The following RYR3 variants were observed in gnomAD, a reference collection of about 807,000 sequenced individuals.
RYR3 encodes the protein brain ryanodine receptor-calcium release channel.
A neutral mutation model predicts 584.3 loss-of-function variants in RYR3; 207 were observed. The observed-to-expected ratio is 0.35, with a 90% CI of 0.32 to 0.40. RYR3 has a LOEUF of 0.40. Among genes scored for constraint, RYR3 ranks in the 10% least tolerant of loss-of-function variants. The pLI is 1.00. For missense variants in RYR3, 5,616 were observed against 6,089.2 expected (o/e 0.92, Z 2.59); for synonymous variants, 2,416 against 2,248.5 (o/e 1.07, Z -2.11).
intron 38 of RYR3, among the ~76,000 whole-genome samples, chr15:33,695,720 GTTTA>G (rs887871749): frequency 3.3e-5 from 5 of 151,684 alleles, no homozygotes; most frequent in Non-Finnish European, 5.9e-5. Flanking sequence ...TATATAGCCG[GTTTA>G]TTTGTCTTTT....
At chr15:33,503,384 C>T (rs1268245500) in intron 2 of RYR3, among the ~76,000 whole-genome samples, 1 of 152,182 alleles carries the variant, frequency 6.6e-6, no homozygotes, top group Admixed American at 6.5e-5. Context: ...ATATGAACCA[C>T]CAGCCTTCCC....
intron 9 of RYR3, among the ~76,000 whole-genome samples, chr15:33,549,068 CG>C (rs1157031694): frequency 1.4e-5 from 1 of 71,580 alleles, no homozygotes; most frequent in African/African-American, 3.4e-5. Flanking sequence ...CATATGCACA[CG>C]TTTTTTTTTT....
At chr15:33,696,561 T>C (rs2065879145) in intron 39 of RYR3, 70 bp downstream of exon 39, 3 of 1,441,878 alleles carry the variant, frequency 2.1e-6, no homozygotes, top group Admixed American at 1.8e-5. Context: ...TACCTTGATA[T>C]AGAGATATAG....
chr15:33,752,391 CCT>C (rs1284672610), intron 57 of RYR3, among the ~76,000 whole-genome samples: 2 of 152,122 alleles, frequency 1.3e-5, no homozygotes, highest in African/African-American at 4.8e-5. Flanking sequence ...TTGTTTGTGT[CCT>C]CTCTTATTTC....
chr15:33,632,704 T>C (rs778367400), intron 23 of RYR3, among the ~76,000 whole-genome samples: 2 of 152,236 alleles, frequency 1.3e-5, no homozygotes, highest in Admixed American at 6.5e-5. Flanking sequence ...ATGGTTTGTA[T>C]TGACCATCTG....
intron 43 of RYR3, among the ~76,000 whole-genome samples, chr15:33,713,617 C>T (rs768720080): frequency 5.3e-5 from 8 of 152,076 alleles, no homozygotes; most frequent in East Asian, 3.8e-4. Flanking sequence ...TTTAATTATA[C>T]GACAATCCAA....
chr15:33,831,663 A>G (rs1245689742), intron 86 of RYR3, among the ~76,000 whole-genome samples: 1 of 152,220 alleles, frequency 6.6e-6, no homozygotes, highest in Non-Finnish European at 1.5e-5. Context: ...GTCTTTCTCT[A>G]TTCATAGTAT....
intron 1 of RYR3, among the ~76,000 whole-genome samples, chr15:33,430,588 T>C (rs1273928684): frequency 6.6e-6 from 1 of 152,174 alleles, no homozygotes; most frequent in Non-Finnish European, 1.5e-5. Flanking sequence ...GTTTCCCCCT[T>C]ATCTGAGGTC....
intron 3 of RYR3, among the ~76,000 whole-genome samples, chr15:33,520,060 A>C (rs1307229428): frequency 2.0e-5 from 3 of 152,232 alleles, no homozygotes. Context: ...CAGGACATCC[A>C]AGGGGGAAAA....
In RYR3 at chr15:33,634,658, A is replaced by G. The variant is rs376346877; in HGVS notation, c.3100A>G (p.Arg1034Gly). 1 of 1,613,874 alleles carries G rather than the reference A, an allele frequency of 6.2e-7. No homozygotes were observed. Among genetic ancestry groups the G allele is most frequent in the African/African-American group, 1.3e-5 (1 of 74,928 alleles). The change falls in exon 25 of 104, where the codon AGG becomes GGG. Residue 1034 changes from arginine to glycine, a missense_variant. Coordinates refer to ENST00000634891, the MANE Select transcript of RYR3 (RefSeq NM_001036.6). ...LLDERTKKSN[R>G]DSLREAVRTF... The stretch of plus-strand genomic sequence containing the variant: ...GGATGAGCGTACCAAGAAGTCAAAC[A>G]GGGACAGCCTGCGGGAAGCTGTGCG...
In RYR3 at chr15:33,633,628, C is replaced by T. The variant is rs368609926; in HGVS notation, c.3027+520C>T. ...TATGTGCACATTAGTTAATTCATAC[C>T]GGAGCCACACATCTGGAAGCCAGGA... On this transcript the variant is annotated intron_variant, in intron 24 of 103. Coordinates refer to ENST00000634891, the MANE Select transcript of RYR3 (RefSeq NM_001036.6). Among the ~76,000 whole-genome samples the T allele has an allele frequency of 7.9e-5, 12 of 152,236 alleles. No homozygotes were observed. In the East Asian group the frequency reaches 1.5e-3, roughly 20 times the overall value.
At chr15:33,486,298 C>A (rs1377496327) in intron 2 of RYR3, among the ~76,000 whole-genome samples, 1 of 152,204 alleles carries the variant, frequency 6.6e-6, no homozygotes, top group Non-Finnish European at 1.5e-5. Flanking sequence ...GGGCAGGATA[C>A]TTCCTTGCCC....
intron 9 of RYR3, among the ~76,000 whole-genome samples, chr15:33,549,251 A>G (rs1194250948): frequency 6.6e-6 from 1 of 152,168 alleles, no homozygotes; most frequent in Non-Finnish European, 1.5e-5. Context: ...ACTTTTTAAG[A>G]GGTCAAAATA....
At chr15:33,323,084 CTATAA>C (rs1969204235) in intron 1 of RYR3, among the ~76,000 whole-genome samples, 1 of 151,508 alleles carries the variant, frequency 6.6e-6, no homozygotes, top group Admixed American at 6.6e-5. Context: ...CTCTTCCGTG[CTATAA>C]TATATGATAT....
At chr15:33,723,920 A>G (rs1596316158) in intron 44 of RYR3, 145 bp from the exon 45 acceptor site, 1 of 593,506 alleles carries the variant, frequency 1.7e-6, no homozygotes. Context: ...CACTTTGTCA[A>G]CTTCTAGAGG....
intron 94 of RYR3, 131 bp downstream of exon 94, chr15:33,848,552 C>G (rs1181285634): frequency 1.9e-6 from 2 of 1,031,180 alleles, no homozygotes; most frequent in Non-Finnish European, 2.8e-6. Flanking sequence ...TCTCCCTTGC[C>G]TCTTCAATAA....
At chr15:33,330,356 CCT>C (rs1443567792) in intron 1 of RYR3, among the ~76,000 whole-genome samples, 5 of 152,106 alleles carry the variant, frequency 3.3e-5, no homozygotes, top group African/African-American at 1.2e-4. Context: ...TTTGCATCCC[CCT>C]GTCTGAAGTA....
chr15:33,334,842 A>C (rs11072402), intron 1 of RYR3, among the ~76,000 whole-genome samples: 104,682 of 151,758 alleles, frequency 0.69, 36,967 homozygotes, highest in African/African-American at 0.86. Flanking sequence ...GAAAAAAAAA[A>C]AACCCCATTA....
chr15:33,317,067 T>G (rs1023164374), intron 1 of RYR3, among the ~76,000 whole-genome samples: 1 of 152,198 alleles, frequency 6.6e-6, no homozygotes, highest in African/African-American at 2.4e-5. Context: ...AACAGAACAT[T>G]CAGAGTTATT....
Sources: allele counts gnomAD v4.1 joint callset (sites outside exome capture counted in the v4.1 genomes callset), GRCh38; gene constraint gnomAD v4.1.1; transcripts MANE v1.5; gene names NCBI Gene and HGNC (gene_info 2026-07-23, HGNC 2026-07-21).